The following UBE3B variants were observed in gnomAD, a reference collection of about 807,000 sequenced individuals.
The protein encoded by UBE3B is ubiquitin-protein ligase E3B.
A neutral mutation model predicts 132.3 loss-of-function variants in UBE3B; 80 were observed. The ratio of observed to expected loss-of-function variants is 0.60; its 90% CI spans 0.50 to 0.73. UBE3B has a LOEUF of 0.73. Ranked by LOEUF, UBE3B falls within the 30% of genes least tolerant of loss-of-function variation. UBE3B has a pLI of 0.00. For missense variants in UBE3B, 1,196 were observed against 1,362.5 expected (o/e 0.88, Z 1.92); for synonymous variants, 487 against 520.4 (o/e 0.94, Z 0.87).
intron 12 of UBE3B, among the ~76,000 whole-genome samples, chr12:109,501,126 G>A (rs973069295): frequency 2.6e-5 from 4 of 152,250 alleles, no homozygotes; most frequent in Non-Finnish European, 5.9e-5. Context: ...TTCGAGAAGA[G>A]TGTGACTCAT....
chr12:109,486,328 C>A, intron 5 of UBE3B, 143 bp from the exon 6 acceptor site: 2 of 752,910 alleles, frequency 2.7e-6, no homozygotes, highest in South Asian at 1.9e-5. Flanking sequence ...TAAAATAAGT[C>A]CTGTTTACAG....
At chr12:109,486,688 GT>G in intron 6 of UBE3B, 113 bp downstream of exon 6, 2 of 836,974 alleles carry the variant, frequency 2.4e-6, no homozygotes, top group Non-Finnish European at 3.6e-6. Flanking sequence ...AGAGTTGCTA[GT>G]TGAGCCACTG....
intron 8 of UBE3B, chr12:109,490,247 A>C (rs1436827924): frequency 2.1e-5 from 20 of 974,108 alleles, no homozygotes; most frequent in Non-Finnish European, 2.9e-5. Context: ...AGGGTAATCC[A>C]GTCTTTTGAC....
chr12:109,514,734 C>T lies in UBE3B; in HGVS notation c.1957-2031C>T, dbSNP rs565972792. ...TAGGAGCACCCTTCATTCCTATCAC[C>T]AGCCTCCCTCCCTGTGTCCCCAATC... On this transcript the variant is annotated intron_variant, in intron 18 of 27. Transcript: ENST00000342494. 1.3e-4 allele frequency among the ~76,000 whole-genome samples: 20 copies of T among 152,064 alleles called. 1 individual carries two copies. The South Asian group carries it at 3.7e-3, about 28-fold the overall frequency.
At chr12:109,541,492 C>A (rs1347758896), downstream of UBE3B, among the ~76,000 whole-genome samples, 2 of 152,244 alleles carry the variant, frequency 1.3e-5, no homozygotes, top group Non-Finnish European at 2.9e-5. Flanking sequence ...AAGCACCTGG[C>A]AAATTATAGT....
In UBE3B at chr12:109,524,072, C is replaced by T. The variant is rs1882019738; in HGVS notation, c.2459C>T (p.Pro820Leu). 1 of 1,614,192 alleles carries T rather than the reference C, an allele frequency of 6.2e-7. No individual in the cohort carries two copies. Among genetic ancestry groups the T allele is most frequent in the South Asian group, 1.1e-5 (1 of 91,084 alleles). Reference sequence around the variant, plus strand: ...TTCTATAGCTCGGTGGATGAACTGCCTTCTCTGGACTCCGAGTTCTATAAA... The same window carrying T: ...TTCTATAGCTCGGTGGATGAACTGCTTTCTCTGGACTCCGAGTTCTATAAA... ...SVFYSSVDEL[P>L]SLDSEFYKNL... Residue 820 changes from proline to leucine, a missense_variant, in exon 22 of 28, where the codon CCT becomes CTT. By Grantham distance (98) the Pro-to-Leu change is moderately conservative. Coordinates refer to ENST00000342494, the MANE Select transcript of UBE3B (RefSeq NM_130466.4).
At position 109,516,850 on chromosome 12, in the gene UBE3B, C is replaced by A; in HGVS notation, c.2042C>A (p.Thr681Asn). Residue 681 changes from threonine (T) to asparagine (N), a missense_variant, in exon 19 of 28, where the codon ACT (threonine) becomes AAT (asparagine). Coordinates refer to ENST00000342494, the MANE Select transcript of UBE3B (RefSeq NM_130466.4). Reference sequence around the variant, plus strand: ...ACCAGCTCTGCCTCCCCGCATGTCACTCACATCACCATCCGCCGGTCCAGG... The same window carrying A: ...ACCAGCTCTGCCTCCCCGCATGTCAATCACATCACCATCCGCCGGTCCAGG... The part of the protein sequence containing the change: ...VETSSASPHV[T>N]HITIRRSRML... 1 of 1,614,102 alleles carries A rather than the reference C, an allele frequency of 6.2e-7. No individual in the cohort carries two copies. The highest frequency in any genetic ancestry group is 8.5e-7 in the Non-Finnish European group (1 of 1,180,022).
intron 15 of UBE3B, chr12:109,508,427 A>G (rs1879951857): frequency 2.6e-6 from 2 of 774,380 alleles, no homozygotes; most frequent in African/African-American, 3.8e-5. Context: ...TGCCTGGCAC[A>G]GAGTGGGAAA....
rs897963833 is a variant in UBE3B, at chr12:109,536,520, A to T, written c.*1738A>T. ...AGGGGTAGTTTGTAATTTCATTTAA[A>T]TTCTTTTCAGCAGCTGGAAATATTG... On this transcript the variant is annotated 3_prime_UTR_variant, in exon 28 of 28. Transcript: ENST00000342494. The T allele has an allele frequency of 6.6e-6, 1 of 152,194 alleles. No individual in the cohort carries two copies. The highest frequency in any genetic ancestry group is 2.4e-5 in the African/African-American group (1 of 41,440). The allele number at this position is 152,194 out of a possible 1,614,324, so 9.4% of individuals were successfully genotyped here. A position where few individuals can be genotyped will look rare whatever the true frequency, so the allele number is the denominator to read the frequency against.
intron 14 of UBE3B, among the ~76,000 whole-genome samples, chr12:109,505,021 G>A (rs1444949726): frequency 1.3e-5 from 2 of 152,054 alleles, no homozygotes; most frequent in Non-Finnish European, 2.9e-5. Flanking sequence ...GTGTTAGCCA[G>A]GATGGTCTCG....
chr12:109,527,649 C>T (rs1882496437), intron 24 of UBE3B, among the ~76,000 whole-genome samples: 1 of 152,202 alleles, frequency 6.6e-6, no homozygotes, highest in African/African-American at 2.4e-5. Context: ...TCCTTGGCCA[C>T]AGGGCATTAG....
At position 109,526,664 on chromosome 12, in the gene UBE3B, A is replaced by T. The variant is rs55980475; in HGVS notation, c.2627+248A>T. ...GAGGCGGGCGGATCACGAGGTCAGGAGTTCGAGACCAGCCTGATCAACATG... is the reference window on the plus strand; with the variant it reads ...GAGGCGGGCGGATCACGAGGTCAGGTGTTCGAGACCAGCCTGATCAACATG... On this transcript the variant is annotated intron_variant, in intron 24 of 27. Coordinates refer to ENST00000342494, the MANE Select transcript of UBE3B (RefSeq NM_130466.4). Among the ~76,000 whole-genome samples the T allele has an allele frequency of 0.05, 7,544 of 152,158 alleles. 224 individuals carry two copies. The highest frequency in any genetic ancestry group is 0.067 in the Non-Finnish European group (4,554 of 67,988).
At chr12:109,515,445 C>T (rs1217594905) in intron 18 of UBE3B, among the ~76,000 whole-genome samples, 2 of 152,034 alleles carry the variant, frequency 1.3e-5, no homozygotes, top group African/African-American at 4.8e-5. Flanking sequence ...TCTTGGCTCA[C>T]CACAACCTGC....
downstream of UBE3B, among the ~76,000 whole-genome samples, chr12:109,538,572 T>TA (rs1424347646): frequency 6.6e-6 from 1 of 152,232 alleles, no homozygotes; most frequent in Non-Finnish European, 1.5e-5. This position sits in a 1 kb window ranked among gnomAD's most constrained non-coding sequence, Gnocchi z 4.1. Context: ...TGGCACCAAG[T>TA]ACGCATCCGT....
chr12:109,517,144 A>G (rs999202846), intron 19 of UBE3B, among the ~76,000 whole-genome samples: 3 of 151,910 alleles, frequency 2.0e-5, no homozygotes, highest in African/African-American at 7.3e-5. Context: ...TAGAGCATCC[A>G]CCTCTTCATG....
intron 11 of UBE3B, among the ~76,000 whole-genome samples, chr12:109,499,155 C>T (rs538955267): frequency 4.3e-4 from 65 of 152,252 alleles, no homozygotes; most frequent in Non-Finnish European, 6.6e-4. Context: ...AATGTTCACA[C>T]GAGTGACGTT....
At chr12:109,527,360 C>T (rs1882462557) in intron 24 of UBE3B, among the ~76,000 whole-genome samples, 1 of 152,186 alleles carries the variant, frequency 6.6e-6, no homozygotes, top group South Asian at 2.1e-4. Context: ...AGACATTGGC[C>T]CCCTTGTCAG....
intron 1 of UBE3B, 107 bp downstream of exon 1, chr12:109,478,216 A>G: frequency 6.6e-6 from 1 of 152,208 alleles, no homozygotes; most frequent in East Asian, 1.9e-4. Flanking sequence ...CCTGACACCT[A>G]GTTCTGAATA....
intron 16 of UBE3B, among the ~76,000 whole-genome samples, 175 bp downstream of exon 16, chr12:109,509,889 T>C (rs1351265356): frequency 6.6e-6 from 1 of 152,196 alleles, no homozygotes. Flanking sequence ...CTTAAGATAG[T>C]GGTGTGGTTA....
Sources: gnomAD v4.1 joint callset for allele counts (sites outside exome capture counted in the v4.1 genomes callset) on GRCh38, gnomAD v4.1.1 for gene constraint, Gnocchi (gnomAD v3.1) non-coding constraint, MANE v1.5 for transcripts, NCBI Gene and HGNC (gene_info 2026-07-23, HGNC 2026-07-21) for gene names.